The following KIAA1328 variants were observed in gnomAD, a reference collection of about 807,000 sequenced individuals.
KIAA1328 encodes KIAA1328, also known as protein hinderin.
KIAA1328 carries 52 observed loss-of-function variants against 68.1 expected under a neutral mutation model. That is an observed-to-expected ratio of 0.76 (90% confidence interval 0.61 to 0.96). The LOEUF is 0.96. Ranked by LOEUF, KIAA1328 falls within the 40% of genes least tolerant of loss-of-function variation. The pLI, the probability that KIAA1328 is intolerant of heterozygous loss-of-function variation, is 0.00. For missense variants in KIAA1328, 641 were observed against 677.6 expected, an observed-to-expected ratio of 0.95 and a Z score of 0.60; for synonymous variants, 232 against 239.4, an observed-to-expected ratio of 0.97 and a Z score of 0.28.
At chr18:36,974,369 T>C (rs2052376512) in intron 6 of KIAA1328, among the ~76,000 whole-genome samples, 1 of 152,214 alleles carries the variant, frequency 6.6e-6, no homozygotes, top group Non-Finnish European at 1.5e-5. Context: ...TTCCACATTA[T>C]CTAGCTCTCA....
chr18:37,012,206 T>A (rs567021496), intron 6 of KIAA1328, among the ~76,000 whole-genome samples: 1 of 152,174 alleles, frequency 6.6e-6, no homozygotes, highest in Non-Finnish European at 1.5e-5. Flanking sequence ...TGGAGCTGTG[T>A]TGGAATCAGA....
intron 9 of KIAA1328, among the ~76,000 whole-genome samples, chr18:37,174,380 CTTTTTT>C (rs757197220): frequency 1.7e-5 from 2 of 120,622 alleles, no homozygotes; most frequent in Non-Finnish European, 3.4e-5. Context: ...TGCTTTCTTC[CTTTTTT>C]TTTTTTTTTT....
intron 7 of KIAA1328, among the ~76,000 whole-genome samples, chr18:37,107,285 C>T (rs185957627): frequency 6.6e-6 from 1 of 152,230 alleles, no homozygotes; most frequent in East Asian, 1.9e-4. Context: ...GATGGCTTAT[C>T]AGAATCCCTT....
intron 4 of KIAA1328, among the ~76,000 whole-genome samples, chr18:36,845,347 A>G (rs577530013): frequency 1.3e-5 from 2 of 151,788 alleles, no homozygotes; most frequent in African/African-American, 2.4e-5. Context: ...TTTGAAGGTG[A>G]TGTTCTTGTG....
chr18:37,148,171 C>G (rs1234203652), intron 7 of KIAA1328, among the ~76,000 whole-genome samples: 1 of 152,068 alleles, frequency 6.6e-6, no homozygotes, highest in Non-Finnish European at 1.5e-5. Context: ...TTGTTTCCCT[C>G]CCTGTGTCCA....
intron 4 of KIAA1328, among the ~76,000 whole-genome samples, chr18:36,856,976 A>G (rs530592078): frequency 1.3e-5 from 2 of 152,258 alleles, no homozygotes; most frequent in Admixed American, 1.3e-4. Flanking sequence ...GAACCACTGA[A>G]GCCAAAAAGA....
At chr18:36,965,412 A>G (rs2051879097) in intron 6 of KIAA1328, among the ~76,000 whole-genome samples, 2 of 150,874 alleles carry the variant, frequency 1.3e-5, no homozygotes, top group South Asian at 4.3e-4. Flanking sequence ...TATTGCCTCT[A>G]TAGTGTTATT....
chr18:36,894,540 T>A (rs2048806699), intron 5 of KIAA1328, among the ~76,000 whole-genome samples: 1 of 152,086 alleles, frequency 6.6e-6, no homozygotes, highest in Admixed American at 6.6e-5. Flanking sequence ...TTTCTTTTTT[T>A]TTTGAGACAG....
chr18:36,842,656 C>T (rs2046896599), intron 3 of KIAA1328, among the ~76,000 whole-genome samples: 1 of 151,492 alleles, frequency 6.6e-6, no homozygotes, highest in Non-Finnish European at 1.5e-5. Context: ...GTTGTTAACA[C>T]AATGCCACTA....
chr18:37,214,484 C>A (rs1299566673), intron 9 of KIAA1328, among the ~76,000 whole-genome samples: 1 of 152,032 alleles, frequency 6.6e-6, no homozygotes, highest in Admixed American at 6.6e-5. Flanking sequence ...ATTTCTGAGG[C>A]CTCTGTTCTG....
At chr18:37,193,356 C>T (rs1426698958) in intron 9 of KIAA1328, among the ~76,000 whole-genome samples, 1 of 152,026 alleles carries the variant, frequency 6.6e-6, no homozygotes, top group Non-Finnish European at 1.5e-5. Context: ...TGGGTTACAG[C>T]ATAATGTGTG....
intron 9 of KIAA1328, among the ~76,000 whole-genome samples, chr18:37,207,152 C>T (rs1214441812): frequency 6.6e-6 from 1 of 152,106 alleles, no homozygotes; most frequent in East Asian, 1.9e-4. Context: ...CCTTTGTTTA[C>T]CTTGAGTCAA....
chr18:37,096,174 C>T (rs1475732339), intron 7 of KIAA1328, among the ~76,000 whole-genome samples: 1 of 152,046 alleles, frequency 6.6e-6, no homozygotes, highest in Non-Finnish European at 1.5e-5. Flanking sequence ...TGTGCTGCAC[C>T]CATTAACTCG....
intron 7 of KIAA1328, among the ~76,000 whole-genome samples, chr18:37,115,033 AC>A (rs1280418541): frequency 1.3e-5 from 2 of 152,170 alleles, no homozygotes; most frequent in African/African-American, 2.4e-5. Context: ...TAGCCTACCA[AC>A]AAAAAAAAGT....
chr18:37,008,435 T>C (rs2053857848), intron 6 of KIAA1328, among the ~76,000 whole-genome samples: 1 of 152,200 alleles, frequency 6.6e-6, no homozygotes, highest in Admixed American at 6.5e-5. Flanking sequence ...TATAGGATTA[T>C]AACAAGTCAT....
intron 5 of KIAA1328, among the ~76,000 whole-genome samples, chr18:36,949,128 A>G (rs928900674): frequency 5.3e-5 from 8 of 152,118 alleles, no homozygotes; most frequent in African/African-American, 1.9e-4. Flanking sequence ...TTTTTCTTCT[A>G]CAGTTCTAAG....
At chr18:37,116,315 A>G (rs1233547991) in intron 7 of KIAA1328, among the ~76,000 whole-genome samples, 1 of 152,238 alleles carries the variant, frequency 6.6e-6, no homozygotes, top group African/African-American at 2.4e-5. Context: ...AAACAGAGAT[A>G]CAGACCAATG....
chr18:37,079,815 AG>A (rs2056885688), intron 7 of KIAA1328, among the ~76,000 whole-genome samples: 1 of 144,576 alleles, frequency 6.9e-6, no homozygotes, highest in African/African-American at 2.5e-5. Flanking sequence ...TGAGTGCGGG[AG>A]GTGGAGGTTG....
chr18:36,908,039 A>G (rs955322583), intron 5 of KIAA1328, among the ~76,000 whole-genome samples: 1 of 152,102 alleles, frequency 6.6e-6, no homozygotes. Flanking sequence ...AAATTTTATC[A>G]TTGTCTTTAT....
Sources: gnomAD v4.1 joint callset for allele counts (sites outside exome capture counted in the v4.1 genomes callset) on GRCh38, gnomAD v4.1.1 for gene constraint, MANE v1.5 for transcripts, NCBI Gene and HGNC (gene_info 2026-07-23, HGNC 2026-07-21) for gene names.